The following RPP30 variants were observed in gnomAD, a reference collection of about 807,000 sequenced individuals.
RPP30 encodes ribonuclease P protein subunit p30.
In RPP30, 36 loss-of-function variants were observed where a neutral mutation model predicts 38.6. The ratio of observed to expected loss-of-function variants is 0.93; its 90% CI spans 0.71 to 1.23. The LOEUF is 1.23. RPP30 is among the 50% of genes most tolerant of loss of function. The pLI, the probability that RPP30 is intolerant of heterozygous loss-of-function variation, is 0.00. For synonymous variants in RPP30, 126 were observed against 112.7 expected (o/e 1.12, Z -0.75); for missense variants, 321 against 321.7 (o/e 1.00, Z 0.02).
Position 90,901,395 on chromosome 10 carries a change from GT to G in RPP30, c.*720del, listed in dbSNP as rs1401228495. The stretch of plus-strand genomic sequence containing the variant: ...TGAAGAAGTGACTTTAGTTCCTCTT[GT>G]TTTAAGCTTCTTTCATGTATTCAAA... On this transcript the variant is annotated 3_prime_UTR_variant, in exon 11 of 11. Coordinates refer to ENST00000371703, the MANE Select transcript of RPP30 (RefSeq NM_006413.5). The G allele has an allele frequency of 1.0e-6, 1 of 984,134 alleles. No individual in the cohort carries two copies. The highest frequency in any genetic ancestry group is 1.7e-5 in the African/African-American group (1 of 57,208). 61.0% of individuals were successfully genotyped at this position (984,134 alleles called of 1,614,324 possible). A position where few individuals can be genotyped will look rare whatever the true frequency, so the allele number is the denominator to read the frequency against.
At chr10:90,896,863 C>T (rs890675018) in intron 10 of RPP30, among the ~76,000 whole-genome samples, 1 of 152,148 alleles carries the variant, frequency 6.6e-6, no homozygotes, top group African/African-American at 2.4e-5. Context: ...CAGAATGTTT[C>T]TTTTCTCATG....
chr10:90,904,079 T>C (rs1847229395), downstream of RPP30, among the ~76,000 whole-genome samples: 2 of 152,220 alleles, frequency 1.3e-5, no homozygotes, highest in South Asian at 4.1e-4. Flanking sequence ...AGAGTAAATA[T>C]GAGAATTGGA....
chr10:90,894,017 G>C (rs1833999331), intron 6 of RPP30, among the ~76,000 whole-genome samples: 1 of 152,158 alleles, frequency 6.6e-6, no homozygotes, highest in African/African-American at 2.4e-5. Context: ...AGAAGTTTCT[G>C]TTTCTCATGA....
intron 6 of RPP30, among the ~76,000 whole-genome samples, chr10:90,887,700 C>T (rs1847019915): frequency 6.6e-6 from 1 of 152,272 alleles, no homozygotes; most frequent in Admixed American, 6.5e-5. Flanking sequence ...TAAATATTGA[C>T]AGTACTAGTG....
At position 90,876,070 on chromosome 10, in the gene RPP30, T is replaced by C; in HGVS notation, c.242T>C (p.Val81Ala). Residue 81 changes from valine (V) to alanine (A), a missense_variant, in exon 4 of 11, where the codon GTC (valine) becomes GCC (alanine). Coordinates refer to ENST00000371703, the MANE Select transcript of RPP30 (RefSeq NM_006413.5). ...ATTTTAACTAGATTAACAATTATTG[T>C]CTCGGATCCATCTCACTGCAATGTT... Reference protein sequence around the residue: ...IKILTRLTIIVSDPSHCNVLR... With the variant: ...IKILTRLTIIASDPSHCNVLR... The C allele has an allele frequency of 6.3e-7, 1 of 1,583,650 alleles. No homozygotes were observed. The highest frequency in any genetic ancestry group is 8.7e-7 in the Non-Finnish European group (1 of 1,152,604).
chr10:90,891,113 A>C (rs1019434835), intron 6 of RPP30, among the ~76,000 whole-genome samples: 1 of 152,234 alleles, frequency 6.6e-6, no homozygotes, highest in Non-Finnish European at 1.5e-5. Context: ...ACTGATTTAA[A>C]CAACAGTTTT....
chr10:90,875,488 G>T, intron 2 of RPP30, 70 bp from the exon 3 acceptor site: 2 of 1,224,094 alleles, frequency 1.6e-6, no homozygotes, highest in South Asian at 1.4e-5. Flanking sequence ...AGAACACCTC[G>T]TAATTTTTCC....
chr10:90,897,985 G>C (rs1257160379), intron 10 of RPP30, among the ~76,000 whole-genome samples: 1 of 152,002 alleles, frequency 6.6e-6, no homozygotes, highest in South Asian at 2.1e-4. Flanking sequence ...AAATTGTATT[G>C]ACTATGGTCA....
intron 6 of RPP30, among the ~76,000 whole-genome samples, chr10:90,894,412 A>G (rs545985377): frequency 2.6e-5 from 4 of 152,260 alleles, no homozygotes; most frequent in African/African-American, 9.6e-5. Flanking sequence ...CTATGTTTGT[A>G]TACAGTTTAC....
At position 90,895,448 on chromosome 10, in the gene RPP30, T is replaced by C. The variant is rs1847129029; in HGVS notation, c.550-6T>C. ...AGATTAATATTAGTCACTTTCTATTTTGTAGAATGTAATTATATCTAGTGC... is the reference window on the plus strand; with the variant it reads ...AGATTAATATTAGTCACTTTCTATTCTGTAGAATGTAATTATATCTAGTGC... On this transcript the variant is annotated splice_polypyrimidine_tract_variant and splice_region_variant and intron_variant, in intron 7 of 10. Coordinates refer to ENST00000371703, the MANE Select transcript of RPP30 (RefSeq NM_006413.5). 10 of 1,383,336 alleles carry C rather than the reference T, an allele frequency of 7.2e-6. No individual in the cohort carries two copies. Among genetic ancestry groups the C allele is most frequent in the Non-Finnish European group, 9.7e-6 (10 of 1,032,838 alleles). The allele number at this position is 1,383,336 out of a possible 1,614,324, so 85.7% of individuals were successfully genotyped here. A position where few individuals can be genotyped will look rare whatever the true frequency, so the allele number is the denominator to read the frequency against.
At position 90,876,061 on chromosome 10, in the gene RPP30, C is replaced by A; in HGVS notation, c.233C>A (p.Thr78Lys). The A allele has an allele frequency of 6.3e-7, 1 of 1,578,690 alleles. No individual in the cohort carries two copies. The highest frequency in any genetic ancestry group is 8.7e-7 in the Non-Finnish European group (1 of 1,148,250). ...CCAATTAAAATTTTAACTAGATTAA[C>A]AATTATTGTCTCGGATCCATCTCAC... is the stretch of plus-strand genomic sequence containing the variant. The part of the protein sequence containing the change: ...SRPIKILTRL[T>K]IIVSDPSHCN... The change falls in exon 4 of 11, where the codon ACA becomes AAA. Residue 78 changes from threonine to lysine, a missense_variant. Coordinates refer to ENST00000371703, the MANE Select transcript of RPP30 (RefSeq NM_006413.5).
intron 6 of RPP30, among the ~76,000 whole-genome samples, chr10:90,890,323 CT>C: frequency 6.6e-6 from 1 of 152,178 alleles, no homozygotes; most frequent in African/African-American, 2.4e-5. Context: ...TTTACTTTCC[CT>C]TTGATTTTTT....
At chr10:90,889,275 G>T (rs2120211513) in intron 6 of RPP30, among the ~76,000 whole-genome samples, 1 of 149,604 alleles carries the variant, frequency 6.7e-6, no homozygotes, top group African/African-American at 2.5e-5. Context: ...TCATAGATTG[G>T]CTTTAAAAGG....
At position 90,872,610 on chromosome 10, in the gene RPP30, A is replaced by C. The variant is rs148457850; in HGVS notation, c.82+542A>C. ...GGATAGCATGGCCCAAATCGAAGGG[A>C]AGCGAAAGCCTTGAGAGACGAGAAC... On this transcript the variant is annotated intron_variant, in intron 1 of 10. Coordinates refer to ENST00000371703, the MANE Select transcript of RPP30 (RefSeq NM_006413.5). Among the ~76,000 whole-genome samples, 164 of 152,282 alleles carry C rather than the reference A, an allele frequency of 1.1e-3. 2 individuals carry two copies. The East Asian group carries it at 0.03, about 28-fold the overall frequency.
rs1398770062 is a variant in RPP30 at position 90,900,622 on chromosome 10, A to T, written c.750A>T (p.Pro250=). Residue 250 remains proline, a synonymous_variant, in exon 11 of 11, where the codon CCA becomes CCT. Transcript: ENST00000371703. Reference sequence around the variant, plus strand: ...TCTCTACAGTGAAGAAACCTCGGCCATCAGAAGGAGATGAAGATTGTCTTC... The same window carrying T: ...TCTCTACAGTGAAGAAACCTCGGCCTTCAGAAGGAGATGAAGATTGTCTTC... ...GIISTVKKPR[P]SEGDEDCLPA... 1.2e-6 allele frequency: 2 copies of T among 1,613,840 alleles called. No individual in the cohort carries two copies. Among genetic ancestry groups the T allele is most frequent in the Non-Finnish European group, 1.7e-6 (2 of 1,179,848 alleles).
At chr10:90,903,692 T>C (rs1289109168), downstream of RPP30, among the ~76,000 whole-genome samples, 1 of 152,224 alleles carries the variant, frequency 6.6e-6, no homozygotes. Flanking sequence ...ACTAATTTAA[T>C]TGCTACAAGA....
At chr10:90,889,303 A>AC (rs1847042799) in intron 6 of RPP30, among the ~76,000 whole-genome samples, 1 of 121,336 alleles carries the variant, frequency 8.2e-6, no homozygotes, top group Non-Finnish European at 1.7e-5. Context: ...TATAAGGATT[A>AC]CTTTTTTTTT....
Position 90,900,915 on chromosome 10 carries a change from T to C in RPP30, c.*236T>C. On this transcript the variant is annotated 3_prime_UTR_variant, in exon 11 of 11. Transcript: ENST00000371703. The stretch of plus-strand genomic sequence containing the variant: ...ATGTACTTTAAGAGAGAAAGACTGG[T>C]TATTTCTCCTTTGTGTAAGTGATAA... 1 of 1,220,966 alleles carries C rather than the reference T, an allele frequency of 8.2e-7. No individual in the cohort carries two copies. Among genetic ancestry groups the C allele is most frequent in the Non-Finnish European group, 1.0e-6 (1 of 978,530 alleles). The allele number at this position is 1,220,966 out of a possible 1,614,324, so 75.6% of individuals were successfully genotyped here.
At chr10:90,903,872 A>C (rs1019953604), downstream of RPP30, among the ~76,000 whole-genome samples, 2 of 152,234 alleles carry the variant, frequency 1.3e-5, no homozygotes, top group African/African-American at 4.8e-5. Flanking sequence ...AGAAAACTTA[A>C]TGAAAGTAAT....
Sources: gnomAD v4.1 joint callset for allele counts (sites outside exome capture counted in the v4.1 genomes callset) on GRCh38, gnomAD v4.1.1 for gene constraint, MANE v1.5 for transcripts, NCBI Gene and HGNC (gene_info 2026-07-23, HGNC 2026-07-21) for gene names.